Variants in CCT5 observed in about 807,000 individuals in gnomAD.
CCT5 encodes the protein T-complex protein 1 subunit epsilon.
In CCT5, 6 loss-of-function variants were observed where a neutral mutation model predicts 55.0. The observed-to-expected ratio is 0.11, with a 90% CI of 0.06 to 0.22. The LOEUF is 0.22. Ranked by LOEUF, CCT5 falls within the 10% of genes least tolerant of loss-of-function variation. The probability of loss-of-function intolerance (pLI) is 1.00; values close to 1 mark genes in which losing one functional copy is unlikely to be tolerated. For synonymous variants in CCT5, 231 were observed against 243.7 expected, an observed-to-expected ratio of 0.95 and a Z score of 0.49; for missense variants, 560 against 694.6, an observed-to-expected ratio of 0.81 and a Z score of 2.18.
intron 4 of CCT5, 148 bp downstream of exon 4, chr5:10,256,301 T>C: frequency 1.3e-6 from 1 of 756,228 alleles, no homozygotes; most frequent in Non-Finnish European, 2.3e-6. Flanking sequence ...GTTTTTAATG[T>C]AGATGTAGAC....
chr5:10,258,584 A>C, intron 6 of CCT5, 49 bp downstream of exon 6: 5 of 1,542,512 alleles, frequency 3.2e-6, no homozygotes, highest in Non-Finnish European at 4.5e-6. Flanking sequence ...CAAAGGGTAC[A>C]GTTAGTTAGG....
intron 4 of CCT5, 86 bp from the exon 5 acceptor site, chr5:10,258,025 T>C (rs1354708853): frequency 2.2e-6 from 3 of 1,338,282 alleles, no homozygotes; most frequent in Non-Finnish European, 3.2e-6. Context: ...TTGATTTATA[T>C]CTTTGAGTAA....
Position 10,254,750 on chromosome 5 carries a change from G to A in CCT5, c.243G>A (p.Met81Ile). ...ATGGGGCCACCATCTTAAGCATGAT[G>A]GATGTTGATCATCAGATTGCCAAGC... ...TNDGATILSM[M>I]DVDHQIAKLM... The change falls in exon 3 of 11, where the codon ATG becomes ATA. Residue 81 changes from methionine to isoleucine, a missense_variant. Met to Ile is a conservative substitution (Grantham distance 10). Coordinates refer to ENST00000280326, the MANE Select transcript of CCT5 (RefSeq NM_012073.5). The A allele has an allele frequency of 6.2e-7, 1 of 1,613,448 alleles. No homozygotes were observed. The highest frequency in any genetic ancestry group is 8.5e-7 in the Non-Finnish European group (1 of 1,179,382).
chr5:10,259,073 A>G (rs1442003111), intron 6 of CCT5, among the ~76,000 whole-genome samples: 2 of 152,206 alleles, frequency 1.3e-5, no homozygotes, highest in African/African-American at 4.8e-5. Context: ...TACATATTAT[A>G]TTTGCCGTCC....
chr5:10,249,968 G>C (rs548052381), upstream of CCT5: 10 of 1,536,406 alleles, frequency 6.5e-6, no homozygotes, highest in African/African-American at 1.0e-4. Flanking sequence ...CTCGGAGCCG[G>C]AGTGCGAAGA....
At chr5:10,252,574 C>G (rs1054536596) in intron 1 of CCT5, among the ~76,000 whole-genome samples, 9 of 145,224 alleles carry the variant, frequency 6.2e-5, no homozygotes, top group Non-Finnish European at 1.3e-4. Flanking sequence ...GAGATCACGC[C>G]ACTGCACTCC....
rs1260478464 is a variant in CCT5 at position 10,265,292 on chromosome 5, T to C, written c.*509T>C. 1 of 172,268 alleles carries C rather than the reference T, an allele frequency of 5.8e-6. No individual in the cohort carries two copies. The highest frequency in any genetic ancestry group is 1.2e-5 in the Non-Finnish European group (1 of 80,050). 10.7% of individuals were successfully genotyped at this position (172,268 alleles called of 1,614,324 possible). ...TTACTAGGTTGCTCACAGCCTAACC[T>C]GGCGTGTTGTTTAGGGCTGATGGAG... On this transcript the variant is annotated 3_prime_UTR_variant, in exon 11 of 11. Coordinates refer to ENST00000280326, the MANE Select transcript of CCT5 (RefSeq NM_012073.5).
upstream of CCT5, chr5:10,250,202 G>A (rs1745294846): frequency 1.9e-6 from 3 of 1,549,634 alleles, no homozygotes; most frequent in Non-Finnish European, 2.6e-6. Flanking sequence ...CGTGAAATTA[G>A]TCTCAGTAGA....
At chr5:10,255,163 C>A in intron 3 of CCT5, 1 of 370,938 alleles carries the variant, frequency 2.7e-6, no homozygotes, top group East Asian at 6.4e-5. Flanking sequence ...GCTGAGTTTC[C>A]TGAGTGATCT....
intron 1 of CCT5, 89 bp from the exon 2 acceptor site, chr5:10,254,056 C>A: frequency 1.2e-6 from 1 of 863,896 alleles, no homozygotes; most frequent in South Asian, 1.3e-5. Context: ...GAAACTAAGT[C>A]ATAAGTGATT....
chr5:10,261,246 T>C (rs1283798828), intron 7 of CCT5: 53 of 493,392 alleles, frequency 1.1e-4, no homozygotes, highest in Middle Eastern at 5.7e-4. Context: ...TGCAGCGCAG[T>C]GCAAGGAACA....
At chr5:10,254,870 A>C (rs1486054853) in intron 3 of CCT5, 32 bp downstream of exon 3, 1 of 1,589,496 alleles carries the variant, frequency 6.3e-7, no homozygotes. Flanking sequence ...TTTCTCATTT[A>C]AGAGACGTCA....
At chr5:10,262,004 C>T in intron 8 of CCT5, 1 of 457,074 alleles carries the variant, frequency 2.2e-6, no homozygotes, top group Non-Finnish European at 4.0e-6. Context: ...TACTTAAACA[C>T]AGTTTAAATA....
At chr5:10,261,800 C>CT (rs1216436727) in intron 8 of CCT5, 55 bp downstream of exon 8, 2 of 1,434,390 alleles carry the variant, frequency 1.4e-6, no homozygotes, top group Non-Finnish European at 2.0e-6. Flanking sequence ...CATGGTCTGG[C>CT]TTTTTTGCCT....
chr5:10,255,733 G>C (rs1579448998), intron 3 of CCT5, among the ~76,000 whole-genome samples: 1 of 152,084 alleles, frequency 6.6e-6, no homozygotes, highest in East Asian at 1.9e-4. Context: ...ACATCACTGA[G>C]GGTTGAATGT....
chr5:10,260,704 C>T (rs1745914217), intron 6 of CCT5, 88 bp from the exon 7 acceptor site: 4 of 1,447,770 alleles, frequency 2.8e-6, no homozygotes, highest in Admixed American at 3.4e-5. Context: ...TGCCTTACAC[C>T]CAACTGTGCC....
intron 1 of CCT5, chr5:10,250,982 A>C (rs549839442): frequency 3.8e-6 from 2 of 519,772 alleles, no homozygotes; most frequent in Non-Finnish European, 5.0e-6. Context: ...ACGGACGCAC[A>C]TAACCGTAAT....
chr5:10,262,138 C>G (rs778653420), intron 8 of CCT5: 10 of 400,120 alleles, frequency 2.5e-5, no homozygotes, highest in African/African-American at 6.2e-5. Context: ...TGACTTACAT[C>G]TGTCCCTTAG....
At chr5:10,257,565 G>C (rs781501785) in intron 4 of CCT5, among the ~76,000 whole-genome samples, 3 of 148,140 alleles carry the variant, frequency 2.0e-5, no homozygotes, top group Non-Finnish European at 2.9e-5. Context: ...TTATTGAACT[G>C]TCTATTCACA....
Sources: allele counts gnomAD v4.1 joint callset (sites outside exome capture counted in the v4.1 genomes callset), GRCh38; gene constraint gnomAD v4.1.1; transcripts MANE v1.5; gene names NCBI Gene and HGNC (gene_info 2026-07-23, HGNC 2026-07-21).